The following SPTBN1 variants were observed in gnomAD, a reference collection of about 807,000 sequenced individuals.
SPTBN1 encodes the protein spectrin beta chain, non-erythrocytic 1.
Under a neutral mutation model 266.4 loss-of-function variants are expected in SPTBN1, and 32 were observed. The observed-to-expected ratio is 0.12, with a 90% CI of 0.09 to 0.16. The LOEUF is 0.16. SPTBN1 is among the 10% of genes least tolerant of loss of function. The probability of loss-of-function intolerance (pLI) is 1.00; values close to 1 mark genes in which losing one functional copy is unlikely to be tolerated. For missense variants in SPTBN1, 2,296 were observed against 3,067.1 expected (o/e 0.75, Z 5.94); for synonymous variants, 1,336 against 1,162.2 (o/e 1.15, Z -3.04).
Position 54,592,307 on chromosome 2 carries a change from A to T in SPTBN1, c.149-6785A>T, listed in dbSNP as rs983195892. ...CTAGAAGAGGATGATGGTGGAGAGG[A>T]TATTCACAGCCCTTTTTTTTAACCA... On this transcript the variant is annotated intron_variant, in intron 2 of 35. Coordinates refer to ENST00000356805, the MANE Select transcript of SPTBN1 (RefSeq NM_003128.3). Among the ~76,000 whole-genome samples, 7 of 152,314 alleles carry T rather than the reference A, an allele frequency of 4.6e-5. No individual in the cohort carries two copies. The East Asian group carries it at 1.3e-3, about 29-fold the overall frequency.
intron 1 of SPTBN1, among the ~76,000 whole-genome samples, chr2:54,507,345 G>C (rs1413772048): frequency 2.6e-5 from 4 of 151,952 alleles, no homozygotes; most frequent in African/African-American, 4.8e-5. Context: ...GTAAAGTGTT[G>C]GGGTGGGGAA....
chr2:54,558,936 T>C lies in SPTBN1; in HGVS notation c.148+32370T>C. The C allele has an allele frequency of 6.3e-7, 1 of 1,587,098 alleles. No homozygotes were observed. Among genetic ancestry groups the C allele is most frequent in the Non-Finnish European group, 8.6e-7 (1 of 1,164,178 alleles). ...GCCTGTCCTGGGTGCCAACGGGGGT[T>C]CTTGGAGGCTTTATTTGTGACCCTA... is the stretch of plus-strand genomic sequence containing the variant. On this transcript the variant is annotated intron_variant, in intron 2 of 35. Transcript: ENST00000356805. This position sits in a 1 kb window ranked among gnomAD's most constrained non-coding sequence, Gnocchi z 4.6.
In SPTBN1 at chr2:54,664,719, A is replaced by C. The variant is rs1373095715; in HGVS notation, c.6659+28A>C. The C allele has an allele frequency of 1.2e-6, 2 of 1,607,996 alleles. No homozygotes were observed. Among genetic ancestry groups the C allele is most frequent in the African/African-American group, 2.7e-5 (2 of 74,744 alleles). On this transcript the variant is annotated intron_variant, in intron 33 of 35. Transcript: ENST00000356805. This position sits in a 1 kb window ranked among gnomAD's most constrained non-coding sequence, Gnocchi z 5.6. ...AACAGCAGCAGAGGCTGCCACAGTA[A>C]GATGGGAAGTCAGCCTGTGAAGGGA... is the stretch of plus-strand genomic sequence containing the variant.
At chr2:54,627,977 C>T in intron 12 of SPTBN1, 120 bp from the exon 13 acceptor site, 1 of 1,191,786 alleles carries the variant, frequency 8.4e-7, no homozygotes. Context: ...GTGTGGGGTC[C>T]ATGGCAGACT....
intron 32 of SPTBN1, chr2:54,661,998 A>T (rs977679665): frequency 6.5e-5 from 64 of 985,360 alleles, no homozygotes; most frequent in Non-Finnish European, 7.6e-5. Context: ...GCAGAGACTC[A>T]GTGAACTTGA....
chr2:54,490,722 G>A (rs1668642776), intron 1 of SPTBN1, among the ~76,000 whole-genome samples: 1 of 152,190 alleles, frequency 6.6e-6, no homozygotes, highest in African/African-American at 2.4e-5. Context: ...AGATGGGAGG[G>A]ATGGGGACAG....
chr2:54,532,921 T>C (rs918178109), intron 2 of SPTBN1, among the ~76,000 whole-genome samples: 2 of 152,342 alleles, frequency 1.3e-5, no homozygotes, highest in African/African-American at 4.8e-5. Context: ...ATTTCTCGGA[T>C]AGAAGATTCA....
At chr2:54,606,068 T>C (rs1161131676) in intron 3 of SPTBN1, among the ~76,000 whole-genome samples, 7 of 152,208 alleles carry the variant, frequency 4.6e-5, no homozygotes, top group African/African-American at 1.7e-4. Context: ...AGAATAGAGT[T>C]GTGGAATGTC....
chr2:54,652,357 G>A (rs961040809), intron 26 of SPTBN1, among the ~76,000 whole-genome samples: 4 of 152,140 alleles, frequency 2.6e-5, no homozygotes, highest in Admixed American at 1.3e-4. Flanking sequence ...TATTATGCAC[G>A]TTGTCTTCCA....
Position 54,670,081 on chromosome 2 carries a change from T to C in SPTBN1, c.*1512T>C, listed in dbSNP as rs567605604. ...GTATGTGAATGCCTGGGCATGGCTG[T>C]GTTCCAGTAAAACTATTTAAGGACA... On this transcript the variant is annotated 3_prime_UTR_variant, in exon 36 of 36. Transcript: ENST00000356805. The C allele has an allele frequency of 7.9e-5, 12 of 152,350 alleles. No individual in the cohort carries two copies. The East Asian group carries it at 1.2e-3, about 15-fold the overall frequency. 9.4% of individuals were successfully genotyped at this position (152,350 alleles called of 1,614,324 possible). A position where few individuals can be genotyped will look rare whatever the true frequency, so the allele number is the denominator to read the frequency against.
At chr2:54,472,020 A>ATTT (rs1420661034) in intron 1 of SPTBN1, among the ~76,000 whole-genome samples, 105 of 48,412 alleles carry the variant, frequency 2.2e-3, no homozygotes, top group East Asian at 3.3e-3. Context: ...GGCCCTGAAG[A>ATTT]TGTTTTTTTT....
chr2:54,490,892 A>T (rs1573259767), intron 1 of SPTBN1, among the ~76,000 whole-genome samples: 2 of 152,226 alleles, frequency 1.3e-5, no homozygotes. Context: ...CTGTGGCTGG[A>T]ATAAAGAGGG....
chr2:54,526,392 G>C lies in SPTBN1; in HGVS notation c.-27G>C, dbSNP rs1670816489. On this transcript the variant is annotated 5_prime_UTR_variant, in exon 2 of 36. It removes an upstream start codon present in the reference 5' UTR. Coordinates refer to ENST00000356805, the MANE Select transcript of SPTBN1 (RefSeq NM_003128.3). ...CATAGAACTCTAAGAAGGAGCTGATGTGGAGGAGCAGCTGAGACAGTTCAA... is the reference window on the plus strand; with the variant it reads ...CATAGAACTCTAAGAAGGAGCTGATCTGGAGGAGCAGCTGAGACAGTTCAA... 18 of 1,611,660 alleles carry C rather than the reference G, an allele frequency of 1.1e-5. No homozygotes were observed. The highest frequency in any genetic ancestry group is 1.5e-5 in the Non-Finnish European group (18 of 1,178,832).
chr2:54,554,670 G>C lies in SPTBN1; in HGVS notation c.148+28104G>C, dbSNP rs994453293. Among the ~76,000 whole-genome samples, 2 of 152,164 alleles carry C rather than the reference G, an allele frequency of 1.3e-5. No homozygotes were observed. Among genetic ancestry groups the C allele is most frequent in the African/African-American group, 4.8e-5 (2 of 41,420 alleles). On this transcript the variant is annotated intron_variant, in intron 2 of 35. Coordinates refer to ENST00000356805, the MANE Select transcript of SPTBN1 (RefSeq NM_003128.3). The surrounding 1 kb of genome is among the most constrained non-coding windows in gnomAD (Gnocchi z 4.5). The stretch of plus-strand genomic sequence containing the variant: ...CATGCTCAAGATTACATAGCTCCTT[G>C]GTACTCAGAAATTAGGGTAAGCCTG...
At chr2:54,528,143 C>T (rs916429260) in intron 2 of SPTBN1, 1 of 152,552 alleles carries the variant, frequency 6.6e-6, no homozygotes, top group Non-Finnish European at 1.5e-5. Context: ...AGATCATGAC[C>T]CTGGCTTGTG....
chr2:54,470,319 T>G (rs1693855945), intron 1 of SPTBN1, among the ~76,000 whole-genome samples: 2 of 152,220 alleles, frequency 1.3e-5, no homozygotes, highest in Admixed American at 6.5e-5. Context: ...TTAATTATAG[T>G]ATGTATTTTC....
At chr2:54,566,584 T>A (rs1424915066) in intron 2 of SPTBN1, among the ~76,000 whole-genome samples, 3 of 152,022 alleles carry the variant, frequency 2.0e-5, no homozygotes, top group Non-Finnish European at 4.4e-5. Context: ...TAATACCAGC[T>A]CTTTGGGAGG....
At chr2:54,576,074 A>ATTTTTTTTTTTTTTTTCT (rs1209132160) in intron 2 of SPTBN1, among the ~76,000 whole-genome samples, 1 of 93,858 alleles carries the variant, frequency 1.1e-5, no homozygotes, top group African/African-American at 4.0e-5. Context: ...TTTTTTTTTG[A>ATTTTTTTTTTTTTTTTCT]GAGACAGTCT....
chr2:54,628,816 A>G lies in SPTBN1; in HGVS notation c.1799-117A>G, dbSNP rs900609269. On this transcript the variant is annotated intron_variant, in intron 13 of 35. Transcript: ENST00000356805. The surrounding 1 kb of genome is among the most constrained non-coding windows in gnomAD (Gnocchi z 4.3). Reference sequence around the variant, plus strand: ...CCTTATCGCATGGCCCTGCATTTACATTTAGCAGTGAGCTGGTAATCATAA... The same window carrying G: ...CCTTATCGCATGGCCCTGCATTTACGTTTAGCAGTGAGCTGGTAATCATAA... 3 of 1,355,208 alleles carry G rather than the reference A, an allele frequency of 2.2e-6. No individual in the cohort carries two copies. Among genetic ancestry groups the G allele is most frequent in the African/African-American group, 2.9e-5 (2 of 68,616 alleles). The allele number at this position is 1,355,208 out of a possible 1,614,324, so 83.9% of individuals were successfully genotyped here.
Sources: allele counts gnomAD v4.1 joint callset (sites outside exome capture counted in the v4.1 genomes callset), GRCh38; gene constraint gnomAD v4.1.1; non-coding constraint Gnocchi (gnomAD v3.1); transcripts MANE v1.5; gene names NCBI Gene and HGNC (gene_info 2026-07-23, HGNC 2026-07-21).